The following FARS2 variants were observed in gnomAD, a reference collection of about 807,000 sequenced individuals.
The protein encoded by FARS2 is phenylalanyl-tRNA synthetase 2, mitochondrial.
FARS2 carries 40 observed loss-of-function variants against 46.4 expected under a neutral mutation model. The ratio of observed to expected loss-of-function variants is 0.86; its 90% CI spans 0.67 to 1.12. FARS2 has a LOEUF of 1.12. FARS2 is among the 50% of genes most tolerant of loss of function. The pLI is 0.00. For synonymous variants in FARS2, 234 were observed against 214.9 expected (o/e 1.09, Z -0.78); for missense variants, 513 against 567.9 (o/e 0.90, Z 0.98).
chr6:5,338,102 A>G (rs760444805), intron 1 of FARS2, among the ~76,000 whole-genome samples: 59 of 152,362 alleles, frequency 3.9e-4, no homozygotes, highest in Non-Finnish European at 7.3e-4. Flanking sequence ...AGAGAAACAT[A>G]GAATGAAAAA....
intron 3 of FARS2, among the ~76,000 whole-genome samples, chr6:5,416,705 CTTTG>C (rs1483431826): frequency 1.3e-5 from 2 of 151,878 alleles, no homozygotes; most frequent in Non-Finnish European, 2.9e-5. Flanking sequence ...TGTTCTCTTA[CTTTG>C]TTTGGATTAA....
rs149432074 is a variant in FARS2 at position 5,696,823 on chromosome 6, C to G, written c.1218-74468C>G. On this transcript the variant is annotated intron_variant, in intron 6 of 6. Coordinates refer to ENST00000274680, the MANE Select transcript of FARS2 (RefSeq NM_006567.5). The stretch of plus-strand genomic sequence containing the variant: ...CTAAAAATACAATGTGGAAGACATT[C>G]ATTTATTAGGGCCCTGTTTGCAAGA... Among the ~76,000 whole-genome samples the G allele has an allele frequency of 4.6e-3, 702 of 152,200 alleles. 1 individual carries two copies. The highest frequency in any genetic ancestry group is 7.9e-3 in the Non-Finnish European group (536 of 68,000).
chr6:5,639,049 C>T (rs572423388), intron 6 of FARS2, among the ~76,000 whole-genome samples: 46 of 152,312 alleles, frequency 3.0e-4, no homozygotes, highest in African/African-American at 1.0e-3. Context: ...AATGCATGTA[C>T]GGTGAAATTG....
intron 6 of FARS2, among the ~76,000 whole-genome samples, chr6:5,680,409 A>G (rs1438872400): frequency 6.6e-6 from 1 of 152,204 alleles, no homozygotes. Context: ...CAGCTAGAAA[A>G]GGATTTCTGG....
At chr6:5,444,984 T>A (rs1447615466) in intron 4 of FARS2, among the ~76,000 whole-genome samples, 1 of 152,222 alleles carries the variant, frequency 6.6e-6, no homozygotes, top group East Asian at 1.9e-4. Flanking sequence ...TCTTCATCTG[T>A]AAGATGAGGG....
In FARS2 at chr6:5,449,248, C is replaced by G. The variant is rs375726593; in HGVS notation, c.904+18076C>G. Among the ~76,000 whole-genome samples, 189 of 150,322 alleles carry G rather than the reference C, an allele frequency of 1.3e-3. 1 individual carries two copies. Among genetic ancestry groups the G allele is most frequent in the African/African-American group, 4.4e-3 (179 of 40,896 alleles). On this transcript the variant is annotated intron_variant, in intron 4 of 6. Coordinates refer to ENST00000274680, the MANE Select transcript of FARS2 (RefSeq NM_006567.5). ...CCTGTAATACCAGCTACTCGGGAGGCTGAGGCAGGAGAATCGCTTGAACCT... is the reference window on the plus strand; with the variant it reads ...CCTGTAATACCAGCTACTCGGGAGGGTGAGGCAGGAGAATCGCTTGAACCT...
At chr6:5,456,547 C>T (rs185652) in intron 4 of FARS2, among the ~76,000 whole-genome samples, 67,784 of 151,384 alleles carry the variant, frequency 0.45, 15,410 homozygotes, top group East Asian at 0.56. Context: ...GCCTGGCCAA[C>T]ATGGTGAAAC....
intron 3 of FARS2, among the ~76,000 whole-genome samples, chr6:5,425,183 A>G (rs563280923): frequency 6.6e-6 from 1 of 152,312 alleles, no homozygotes; most frequent in East Asian, 1.9e-4. Context: ...TTAATTTTAA[A>G]AAATTATTCA....
chr6:5,673,243 C>T (rs924147911), intron 6 of FARS2, among the ~76,000 whole-genome samples: 1 of 152,218 alleles, frequency 6.6e-6, no homozygotes, highest in African/African-American at 2.4e-5. Flanking sequence ...TCCACGTTTG[C>T]GCCTGGAGGG....
chr6:5,468,353 TAAA>T (rs531163302), intron 4 of FARS2, among the ~76,000 whole-genome samples: 2 of 103,254 alleles, frequency 1.9e-5, no homozygotes, highest in Non-Finnish European at 4.2e-5. Context: ...CTGGTAAAAG[TAAA>T]AAAAAAAAAA....
intron 1 of FARS2, among the ~76,000 whole-genome samples, chr6:5,289,217 GT>G (rs539590731): frequency 2.9e-3 from 438 of 152,306 alleles, no homozygotes; most frequent in Non-Finnish European, 4.7e-3. Context: ...ATGCTTAGAA[GT>G]TTGAGTACTC....
chr6:5,412,492 A>G (rs910627685), intron 3 of FARS2, among the ~76,000 whole-genome samples: 2 of 152,190 alleles, frequency 1.3e-5, no homozygotes, highest in African/African-American at 4.8e-5. Context: ...GGACCTATAC[A>G]TGGTCCCATC....
At chr6:5,689,703 T>C (rs1409400765) in intron 6 of FARS2, among the ~76,000 whole-genome samples, 2 of 152,192 alleles carry the variant, frequency 1.3e-5, no homozygotes, top group East Asian at 1.9e-4. Flanking sequence ...GTTCTGTAGA[T>C]GTCTATTAGG....
intron 3 of FARS2, among the ~76,000 whole-genome samples, chr6:5,418,616 G>A (rs1463315965): frequency 6.6e-6 from 1 of 152,208 alleles, no homozygotes; most frequent in Non-Finnish European, 1.5e-5. Flanking sequence ...CAACACACAT[G>A]ATCAGTGTTC....
At chr6:5,623,362 G>A (rs1028838110) in intron 6 of FARS2, among the ~76,000 whole-genome samples, 3 of 152,146 alleles carry the variant, frequency 2.0e-5, no homozygotes, top group Admixed American at 6.5e-5. Flanking sequence ...GTATAAAACT[G>A]TCATTTGGAA....
chr6:5,738,886 G>C (rs908483175), intron 6 of FARS2, among the ~76,000 whole-genome samples: 5 of 151,998 alleles, frequency 3.3e-5, no homozygotes, highest in African/African-American at 1.2e-4. Context: ...CAAAATCTTG[G>C]AACGCTTAGG....
chr6:5,348,218 TA>T (rs1757356774), intron 1 of FARS2, among the ~76,000 whole-genome samples: 1 of 152,200 alleles, frequency 6.6e-6, no homozygotes, highest in Non-Finnish European at 1.5e-5. Context: ...CTGCTTTCTG[TA>T]TTCTAAGAAA....
chr6:5,369,203 C>A, intron 2 of FARS2, 21 bp downstream of exon 2: 1 of 1,596,232 alleles, frequency 6.3e-7, no homozygotes, highest in Non-Finnish European at 8.5e-7. Context: ...AGATGTTTCT[C>A]ATCGCTGAAG....
At chr6:5,317,332 A>G (rs1769595370) in intron 1 of FARS2, among the ~76,000 whole-genome samples, 1 of 152,224 alleles carries the variant, frequency 6.6e-6, no homozygotes, top group Admixed American at 6.5e-5. Context: ...GGCAGCCCAC[A>G]GGCCCAGACT....
Sources: allele counts gnomAD v4.1 joint callset (sites outside exome capture counted in the v4.1 genomes callset), GRCh38; gene constraint gnomAD v4.1.1; transcripts MANE v1.5; gene names NCBI Gene and HGNC (gene_info 2026-07-23, HGNC 2026-07-21).